KIF5C: variants seen among roughly 807,000 people sequenced by gnomAD.
The protein encoded by KIF5C is kinesin heavy chain isoform 5C.
Under a neutral mutation model 125.2 loss-of-function variants are expected in KIF5C, and 18 were observed. The observed-to-expected ratio is 0.14, with a 90% CI of 0.10 to 0.21. The LOEUF is 0.21. Among genes scored for constraint, KIF5C ranks in the 10% least tolerant of loss-of-function variants. KIF5C has a pLI of 1.00. For synonymous variants in KIF5C, 405 were observed against 434.0 expected (o/e 0.93, Z 0.83); for missense variants, 780 against 1,183.8 (o/e 0.66, Z 5.01).
rs1574837311 is a variant in KIF5C at position 149,011,697 on chromosome 2, C to A, written c.*7+14C>A. 6.2e-7 allele frequency: 1 copy of A among 1,613,918 alleles called. No individual in the cohort carries two copies. The highest frequency in any genetic ancestry group is 8.5e-7 in the Non-Finnish European group (1 of 1,179,858). On this transcript the variant is annotated intron_variant, in intron 25 of 25. Coordinates refer to ENST00000435030, the MANE Select transcript of KIF5C (RefSeq NM_004522.3). ...AATAAATACAAAGTGAGTCCCATGT[C>A]AAGGGTGGTTTCTCTATCTGGAGGC... is the stretch of plus-strand genomic sequence containing the variant.
chr2:149,002,106 A>T (rs1681867021), intron 21 of KIF5C, among the ~76,000 whole-genome samples: 1 of 152,280 alleles, frequency 6.6e-6, no homozygotes, highest in Non-Finnish European at 1.5e-5. Context: ...AAATTGCTTC[A>T]TCTACATCTG....
At chr2:148,972,906 G>A (rs1310912356) in intron 11 of KIF5C, among the ~76,000 whole-genome samples, 3 of 152,182 alleles carry the variant, frequency 2.0e-5, no homozygotes, top group Non-Finnish European at 4.4e-5. Flanking sequence ...TTATTTGGCT[G>A]TTTCTATTAA....
At position 149,009,572 on chromosome 2, in the gene KIF5C, C is replaced by T. The variant is rs1165921200; in HGVS notation, c.2551-563C>T. ...AGCTGGCCCTTGAGCCCACTCCTACCTAGGGCTGGGCTGTTGCTTCTTCAA... is the reference window on the plus strand; with the variant it reads ...AGCTGGCCCTTGAGCCCACTCCTACTTAGGGCTGGGCTGTTGCTTCTTCAA... On this transcript the variant is annotated intron_variant, in intron 23 of 25. Transcript: ENST00000435030. Among the ~76,000 whole-genome samples the T allele has an allele frequency of 3.9e-5, 6 of 152,152 alleles. No individual in the cohort carries two copies. In the East Asian group the frequency reaches 7.7e-4, roughly 20 times the overall value.
chr2:148,912,549 A>G (rs1446822731), intron 1 of KIF5C, among the ~76,000 whole-genome samples: 5 of 152,232 alleles, frequency 3.3e-5, no homozygotes, highest in Admixed American at 6.5e-5. Context: ...GGCTCACATG[A>G]TCCTCTCACC....
At chr2:149,021,697 T>C (rs1455966305) in intron 25 of KIF5C, among the ~76,000 whole-genome samples, 3 of 148,976 alleles carry the variant, frequency 2.0e-5, no homozygotes, top group South Asian at 4.2e-4. Flanking sequence ...TAATGCATAA[T>C]GTGTCAGGTT....
In KIF5C at chr2:148,941,598, G is replaced by A. The variant is rs1057523537; in HGVS notation, c.397-12G>A. 1 of 1,555,578 alleles carries A rather than the reference G, an allele frequency of 6.4e-7. No homozygotes were observed. The highest frequency in any genetic ancestry group is 1.2e-5 in the South Asian group (1 of 84,310). ...GGCATGTCTATTCCAAGCTCAATTTGTTTTTAACTAGGTTTCCTATTTTGA... is the reference window on the plus strand; with the variant it reads ...GGCATGTCTATTCCAAGCTCAATTTATTTTTAACTAGGTTTCCTATTTTGA... On this transcript the variant is annotated splice_polypyrimidine_tract_variant and intron_variant, in intron 4 of 25. Coordinates refer to ENST00000435030, the MANE Select transcript of KIF5C (RefSeq NM_004522.3).
In KIF5C at chr2:149,011,613, G is replaced by A. The variant is rs922422808; in HGVS notation, c.2811G>A (p.Thr937=). ...RPGHYPASSP[T]AVHAIRGGGG... Reference sequence around the variant, plus strand: ...GACACTACCCGGCCTCATCTCCAACGGCCGTCCATGCCATTCGAGGGGGAG... The same window carrying A: ...GACACTACCCGGCCTCATCTCCAACAGCCGTCCATGCCATTCGAGGGGGAG... Residue 937 remains threonine, a synonymous_variant, in exon 25 of 26, where the codon ACG becomes ACA. Transcript: ENST00000435030. The A allele has an allele frequency of 1.2e-5, 19 of 1,614,022 alleles. No individual in the cohort carries two copies. The highest frequency in any genetic ancestry group is 2.2e-5 in the South Asian group (2 of 91,080).
chr2:148,953,047 G>T (rs550214360), intron 10 of KIF5C, among the ~76,000 whole-genome samples: 1 of 152,156 alleles, frequency 6.6e-6, no homozygotes, highest in Non-Finnish European at 1.5e-5. Context: ...CTTCCAGGAA[G>T]TAAAAAGTAA....
intron 2 of KIF5C, among the ~76,000 whole-genome samples, chr2:148,922,885 G>A (rs1681846387): frequency 6.6e-6 from 1 of 152,172 alleles, no homozygotes; most frequent in African/African-American, 2.4e-5. Flanking sequence ...CTTTTCTCTA[G>A]GACTGGCATT....
rs1005936578 is a variant in KIF5C at position 148,951,770 on chromosome 2, A to T, written c.968+1308A>T. Among the ~76,000 whole-genome samples the T allele has an allele frequency of 3.3e-5, 5 of 152,232 alleles. No individual in the cohort carries two copies. In the East Asian group the frequency reaches 9.7e-4, roughly 29 times the overall value. On this transcript the variant is annotated intron_variant, in intron 10 of 25. Transcript: ENST00000435030. Reference sequence around the variant, plus strand: ...TCATTTGTACATGGATGCACAGAGCACTTCCCTGCCTTCTCCCTGGGAGTG... The same window carrying T: ...TCATTTGTACATGGATGCACAGAGCTCTTCCCTGCCTTCTCCCTGGGAGTG...
At chr2:148,949,312 C>T (rs1407321744) in intron 8 of KIF5C, among the ~76,000 whole-genome samples, 1 of 152,140 alleles carries the variant, frequency 6.6e-6, no homozygotes, top group Non-Finnish European at 1.5e-5. Context: ...GGATATTTTT[C>T]ATTTTTTCCT....
At chr2:148,923,264 C>G (rs1681860689) in intron 2 of KIF5C, among the ~76,000 whole-genome samples, 1 of 152,166 alleles carries the variant, frequency 6.6e-6, no homozygotes, top group African/African-American at 2.4e-5. Context: ...CTGGGTACAT[C>G]TGTTCGTTTA....
At chr2:149,022,959 T>C (rs1294430447) in intron 25 of KIF5C, 119 bp from the exon 26 acceptor site, 1 of 152,206 alleles carries the variant, frequency 6.6e-6, no homozygotes, top group Non-Finnish European at 1.5e-5. Context: ...TGGCTTGTGT[T>C]ATATTTGTAT....
chr2:148,965,887 T>C (rs926963568), intron 11 of KIF5C, among the ~76,000 whole-genome samples: 10 of 152,036 alleles, frequency 6.6e-5, no homozygotes, highest in Non-Finnish European at 7.4e-5. Context: ...GTAATAAATA[T>C]CACGCCAAAA....
chr2:148,931,304 CAA>C (rs1230464119), intron 3 of KIF5C, among the ~76,000 whole-genome samples: 1 of 152,102 alleles, frequency 6.6e-6, no homozygotes, highest in African/African-American at 2.4e-5. Context: ...TGTAAGACAT[CAA>C]GAGAGAGAAT....
At chr2:148,911,643 A>C (rs1681343157) in intron 1 of KIF5C, among the ~76,000 whole-genome samples, 1 of 152,160 alleles carries the variant, frequency 6.6e-6, no homozygotes, top group East Asian at 1.9e-4. Flanking sequence ...AAAAAACTTA[A>C]GAGAATAAGA....
In KIF5C at chr2:148,934,901, C is replaced by T. The variant is rs576045794; in HGVS notation, c.292-2383C>T. 2.5e-3 allele frequency among the ~76,000 whole-genome samples: 377 copies of T among 152,258 alleles called. 2 individuals are homozygous for T. Among genetic ancestry groups the T allele is most frequent in the African/African-American group, 8.7e-3 (361 of 41,532 alleles). On this transcript the variant is annotated intron_variant, in intron 3 of 25. Coordinates refer to ENST00000435030, the MANE Select transcript of KIF5C (RefSeq NM_004522.3). ...ATGCTCCCCTAACACTACACACACA[C>T]ACACACGTGCACACTCCACATGCCC...
At chr2:148,943,274 A>G (rs1682448350) in intron 7 of KIF5C, among the ~76,000 whole-genome samples, 1 of 152,182 alleles carries the variant, frequency 6.6e-6, no homozygotes, top group Non-Finnish European at 1.5e-5. Context: ...GCCTTCCGAT[A>G]TGTTACTAGC....
At chr2:148,968,746 A>G (rs573689354) in intron 11 of KIF5C, among the ~76,000 whole-genome samples, 324 of 150,892 alleles carry the variant, frequency 2.1e-3, no homozygotes, top group Non-Finnish European at 2.6e-3. Flanking sequence ...ATTTGCATGC[A>G]AAATAATCTC....
Sources: gnomAD v4.1 joint callset for allele counts (sites outside exome capture counted in the v4.1 genomes callset) on GRCh38, gnomAD v4.1.1 for gene constraint, MANE v1.5 for transcripts, NCBI Gene and HGNC (gene_info 2026-07-23, HGNC 2026-07-21) for gene names.